MSRA: variants seen among roughly 807,000 people sequenced by gnomAD.
MSRA encodes methionine sulfoxide reductase A.
A neutral mutation model predicts 31.3 loss-of-function variants in MSRA; 54 were observed. That is an observed-to-expected ratio of 1.73 (90% CI 1.39 to 2.17). MSRA has a LOEUF of 2.17. MSRA is among the 30% of genes most tolerant of loss of function. MSRA has a pLI of 0.00. For missense variants in MSRA, 507 were observed against 300.9 expected, an observed-to-expected ratio of 1.69 and a Z score of -5.07; for synonymous variants, 169 against 116.5, an observed-to-expected ratio of 1.45 and a Z score of -2.90.
intron 1 of MSRA, among the ~76,000 whole-genome samples, chr8:10,092,498 A>T (rs950285395): frequency 4.6e-5 from 7 of 152,142 alleles, no homozygotes; most frequent in African/African-American, 1.7e-4. Flanking sequence ...TCTTTACTAA[A>T]AATATAAAAG....
chr8:10,154,019 A>T (rs893797767), intron 1 of MSRA, among the ~76,000 whole-genome samples: 2 of 152,232 alleles, frequency 1.3e-5, no homozygotes, highest in Non-Finnish European at 2.9e-5. Flanking sequence ...AATCAAAACC[A>T]ATGTGGTCTT....
At chr8:10,149,521 A>G (rs941459694) in intron 1 of MSRA, among the ~76,000 whole-genome samples, 1 of 152,118 alleles carries the variant, frequency 6.6e-6, no homozygotes, top group Non-Finnish European at 1.5e-5. Flanking sequence ...CCTTATTACA[A>G]CTTACATCGC....
At chr8:10,062,464 C>T (rs778295047) in intron 1 of MSRA, among the ~76,000 whole-genome samples, 2 of 152,166 alleles carry the variant, frequency 1.3e-5, no homozygotes, top group Non-Finnish European at 2.9e-5. Flanking sequence ...GAACTGAGGG[C>T]AGGAATTGAC....
In MSRA at chr8:10,362,408, A is replaced by G. The variant is rs1460305193; in HGVS notation, c.543+42419A>G. 2.0e-5 allele frequency among the ~76,000 whole-genome samples: 3 copies of G among 150,782 alleles called. No individual in the cohort carries two copies. In the South Asian group the frequency reaches 6.4e-4, roughly 32 times the overall value. ...TGTTGAGGACACGTTTCTTGATACAAATTTAACTACAGCCACTAAATCAGA... is the reference window on the plus strand; with the variant it reads ...TGTTGAGGACACGTTTCTTGATACAGATTTAACTACAGCCACTAAATCAGA... On this transcript the variant is annotated intron_variant, in intron 5 of 5. Transcript: ENST00000317173.
intron 3 of MSRA, among the ~76,000 whole-genome samples, chr8:10,274,036 T>C (rs1225582670): frequency 6.6e-6 from 1 of 152,150 alleles, no homozygotes. Flanking sequence ...AGAAGCCCCT[T>C]CTTCCTCATG....
At chr8:10,194,763 G>C (rs1379745938) in intron 1 of MSRA, among the ~76,000 whole-genome samples, 1 of 152,148 alleles carries the variant, frequency 6.6e-6, no homozygotes, top group Non-Finnish European at 1.5e-5. Flanking sequence ...TTAAGCATGA[G>C]GCTGATCAGA....
chr8:10,388,781 C>G (rs1179608043), intron 5 of MSRA, among the ~76,000 whole-genome samples: 1 of 151,948 alleles, frequency 6.6e-6, no homozygotes, highest in Non-Finnish European at 1.5e-5. Context: ...GGAGGGGAAG[C>G]TGTTCTACGC....
rs1278603771 is a variant in MSRA, at chr8:10,321,527, C to T, written c.543+1538C>T. 1.3e-5 allele frequency among the ~76,000 whole-genome samples: 2 copies of T among 152,244 alleles called. 1 individual carries two copies. Among genetic ancestry groups the T allele is most frequent in the Admixed American group, 1.3e-4 (2 of 15,290 alleles). On this transcript the variant is annotated intron_variant, in intron 5 of 5. Transcript: ENST00000317173. ...TGCTTGGCTGGTCATGGTAGGCAGC[C>T]TGTGGGATGGCCCCCAGTGCTCTCT...
intron 1 of MSRA, among the ~76,000 whole-genome samples, chr8:10,171,053 T>A (rs1805544269): frequency 6.6e-6 from 1 of 152,234 alleles, no homozygotes. Flanking sequence ...ATGCCAGCTG[T>A]AGGTCTTTTG....
intron 5 of MSRA, among the ~76,000 whole-genome samples, chr8:10,421,340 A>G (rs1200314052): frequency 6.6e-6 from 1 of 152,170 alleles, no homozygotes; most frequent in Non-Finnish European, 1.5e-5. Context: ...GTTCACGTGA[A>G]TAGAGGGTGG....
At chr8:10,324,513 G>A (rs1003575396) in intron 5 of MSRA, among the ~76,000 whole-genome samples, 1 of 152,214 alleles carries the variant, frequency 6.6e-6, no homozygotes, top group African/African-American at 2.4e-5. Flanking sequence ...CCTGCCTGGA[G>A]ACCACAGCAT....
intron 1 of MSRA, among the ~76,000 whole-genome samples, chr8:10,146,041 A>G (rs536025931): frequency 1.3e-5 from 2 of 152,352 alleles, no homozygotes; most frequent in South Asian, 4.1e-4. Flanking sequence ...TTCAGTACCT[A>G]CTACATGCAA....
chr8:10,291,906 G>A (rs1800256861), intron 3 of MSRA, among the ~76,000 whole-genome samples: 1 of 152,110 alleles, frequency 6.6e-6, no homozygotes, highest in South Asian at 2.1e-4. Context: ...TCGGACTCTA[G>A]GCAGTTCCCG....
At chr8:10,346,817 A>G (rs777621394) in intron 5 of MSRA, among the ~76,000 whole-genome samples, 2 of 152,202 alleles carry the variant, frequency 1.3e-5, no homozygotes, top group Non-Finnish European at 2.9e-5. Context: ...TTTGGGGCTG[A>G]TTGCTAAAGG....
chr8:10,366,224 T>C (rs996608300), intron 5 of MSRA, among the ~76,000 whole-genome samples: 8 of 152,238 alleles, frequency 5.3e-5, no homozygotes, highest in African/African-American at 1.9e-4. Context: ...TTAGGGAAGC[T>C]GTTCCAGGCA....
intron 2 of MSRA, among the ~76,000 whole-genome samples, chr8:10,238,197 A>G (rs7842910): frequency 0.36 from 54,445 of 151,596 alleles, 10,142 homozygotes; most frequent in South Asian, 0.52. Context: ...TGCTTTCTCT[A>G]CCCCTTGCTG....
intron 1 of MSRA, among the ~76,000 whole-genome samples, chr8:10,105,498 A>G (rs892487386): frequency 2.6e-5 from 4 of 152,238 alleles, no homozygotes; most frequent in African/African-American, 9.6e-5. Context: ...ATTAAAGAGT[A>G]TTGTGGAGTT....
At chr8:10,415,783 A>C (rs1419028752) in intron 5 of MSRA, among the ~76,000 whole-genome samples, 1 of 151,708 alleles carries the variant, frequency 6.6e-6, no homozygotes, top group Non-Finnish European at 1.5e-5. Context: ...GTGTTTGGTC[A>C]CGGAGTTTCT....
chr8:10,424,637 G>T (rs1420238503), intron 5 of MSRA, among the ~76,000 whole-genome samples: 1 of 150,212 alleles, frequency 6.7e-6, no homozygotes, highest in Non-Finnish European at 1.5e-5. Context: ...AGGGAGAAGG[G>T]TCTGCGGCGG....
Sources: allele counts gnomAD v4.1 joint callset (sites outside exome capture counted in the v4.1 genomes callset), GRCh38; gene constraint gnomAD v4.1.1; transcripts MANE v1.5; gene names NCBI Gene and HGNC (gene_info 2026-07-23, HGNC 2026-07-21).